The following STEAP1B variants were observed in gnomAD, a reference collection of about 807,000 sequenced individuals.
STEAP1B encodes STEAP family member 1B, also known as STEAP family protein MGC87042.
Under a neutral mutation model 27.9 loss-of-function variants are expected in STEAP1B, and 13 were observed. That is an observed-to-expected ratio of 0.47 (90% CI 0.30 to 0.74). The LOEUF (loss-of-function observed/expected upper bound fraction) is 0.74, where lower values mean the gene tolerates loss of function less well. STEAP1B is among the 30% of genes least tolerant of loss of function. The probability of loss-of-function intolerance (pLI) is 0.06; values close to 1 mark genes in which losing one functional copy is unlikely to be tolerated. For missense variants in STEAP1B, 250 were observed against 298.7 expected (o/e 0.84, Z 1.20); for synonymous variants, 86 against 107.1 (o/e 0.80, Z 1.22).
intron 4 of STEAP1B, among the ~76,000 whole-genome samples, chr7:22,473,155 T>C (rs1328852501): frequency 6.6e-6 from 1 of 152,178 alleles, no homozygotes; most frequent in Non-Finnish European, 1.5e-5. Flanking sequence ...CGCAAGTCAT[T>C]AAGCAGGCAT....
At chr7:22,449,112 C>G (rs1486455848) in intron 4 of STEAP1B, among the ~76,000 whole-genome samples, 1 of 143,150 alleles carries the variant, frequency 7.0e-6, no homozygotes, top group Non-Finnish European at 1.5e-5. Context: ...GGTACCCATC[C>G]CAAGCATTTA....
intron 4 of STEAP1B, among the ~76,000 whole-genome samples, chr7:22,467,665 T>G (rs752069020): frequency 1.6e-4 from 24 of 152,188 alleles, no homozygotes; most frequent in Middle Eastern, 3.2e-3. Context: ...TGCTTGGATC[T>G]CACTCTTCTC....
In STEAP1B at chr7:22,456,965, TA is replaced by T. The variant is rs1220226000; in HGVS notation, c.762+35599del. Among the ~76,000 whole-genome samples the T allele has an allele frequency of 7.0e-3, 382 of 54,472 alleles. 34 individuals are homozygous for T. The highest frequency in any genetic ancestry group is 0.015 in the East Asian group (19 of 1,248). The allele number at this position is 54,472 out of a possible 152,430, so 35.7% of individuals were successfully genotyped here. On this transcript the variant is annotated intron_variant, in intron 4 of 4. Coordinates refer to ENST00000678116, the MANE Select transcript of STEAP1B (RefSeq NM_001382447.1). ...TGGGATAGGCAGCTATATATATATA[TA>T]TATATATTTTTTTTTTTTTTAAGTA... is the stretch of plus-strand genomic sequence containing the variant.
intron 4 of STEAP1B, among the ~76,000 whole-genome samples, chr7:22,448,524 A>AT (rs1785440680): frequency 6.6e-6 from 1 of 152,080 alleles, no homozygotes; most frequent in Non-Finnish European, 1.5e-5. Context: ...AGTCAAATTA[A>AT]TTTTTTTAAT....
At chr7:22,457,683 T>G (rs528061799) in intron 4 of STEAP1B, among the ~76,000 whole-genome samples, 1 of 152,234 alleles carries the variant, frequency 6.6e-6, no homozygotes, top group African/African-American at 2.4e-5. Context: ...AGTCACACTT[T>G]CCATGTGACT....
rs992057558 is a variant in STEAP1B at position 22,419,634 on chromosome 7, A to T, written c.*170T>A. 5.1e-6 allele frequency: 3 copies of T among 588,496 alleles called. No homozygotes were observed. The African/African-American group carries it at 5.7e-5, about 11-fold the overall frequency. The allele number at this position is 588,496 out of a possible 1,614,324, so 36.5% of individuals were successfully genotyped here. ...TGCTCTCTCATGAGTCCGCTGGGGG[A>T]TCCACTCATCTGCCCTGCCGGATCC... On this transcript the variant is annotated 3_prime_UTR_variant, in exon 5 of 5. Transcript: ENST00000678116.
chr7:22,456,422 C>T (rs995558639), intron 4 of STEAP1B, among the ~76,000 whole-genome samples: 5 of 152,190 alleles, frequency 3.3e-5, no homozygotes, highest in African/African-American at 9.7e-5. Flanking sequence ...TTCCTTTTCA[C>T]CATTATGCTC....
intron 4 of STEAP1B, among the ~76,000 whole-genome samples, chr7:22,453,700 A>C (rs2128405308): frequency 6.6e-6 from 1 of 152,374 alleles, no homozygotes; most frequent in East Asian, 1.9e-4. Flanking sequence ...GTCCCTTCTT[A>C]GTCAATATAC....
At chr7:22,472,224 G>C (rs927112242) in intron 4 of STEAP1B, among the ~76,000 whole-genome samples, 1 of 152,298 alleles carries the variant, frequency 6.6e-6, no homozygotes, top group African/African-American at 2.4e-5. Context: ...GCTTGTGGTA[G>C]TTCATCTGTG....
Position 22,493,277 on chromosome 7 carries a change from G to A in STEAP1B, c.597+47C>T, listed in dbSNP as rs190325733. ...CAATGAGAAATGATTAATTTGTTAG[G>A]TGACTTAGACTTTTTATTAGTAACA... On this transcript the variant is annotated intron_variant, in intron 3 of 4. Transcript: ENST00000678116. 11 of 1,525,692 alleles carry A rather than the reference G, an allele frequency of 7.2e-6. No homozygotes were observed. In the Admixed American group the frequency reaches 1.5e-4, roughly 21 times the overall value. 94.5% of individuals were successfully genotyped at this position (1,525,692 alleles called of 1,614,324 possible).
intron 4 of STEAP1B, among the ~76,000 whole-genome samples, chr7:22,454,610 A>AGGG (rs888737977): frequency 1.1e-4 from 17 of 152,082 alleles, no homozygotes; most frequent in African/African-American, 3.9e-4. Context: ...GCTGCTGGAG[A>AGGG]GGCTGCACAT....
intron 2 of STEAP1B, among the ~76,000 whole-genome samples, chr7:22,494,515 T>C (rs1031710585): frequency 3.3e-5 from 5 of 151,908 alleles, no homozygotes; most frequent in African/African-American, 1.2e-4. Flanking sequence ...GCTTTCATGG[T>C]ATAAACAAAC....
intron 4 of STEAP1B, among the ~76,000 whole-genome samples, chr7:22,461,206 G>C (rs1785673092): frequency 6.6e-6 from 1 of 152,134 alleles, no homozygotes; most frequent in Non-Finnish European, 1.5e-5. Flanking sequence ...TTCCGATGAG[G>C]TTTCAAGGTG....
At chr7:22,480,945 G>A (rs909848687) in intron 4 of STEAP1B, among the ~76,000 whole-genome samples, 4 of 152,192 alleles carry the variant, frequency 2.6e-5, no homozygotes, top group African/African-American at 7.2e-5. Context: ...TGCCTTGCTT[G>A]TACAAGGGCA....
At chr7:22,496,715 A>G (rs1041370736) in intron 1 of STEAP1B, among the ~76,000 whole-genome samples, 6 of 152,186 alleles carry the variant, frequency 3.9e-5, no homozygotes, top group African/African-American at 1.2e-4. Flanking sequence ...AGTATGTAGG[A>G]GGCTGTACCA....
At chr7:22,431,008 T>C (rs79128567) in intron 4 of STEAP1B, among the ~76,000 whole-genome samples, 5,916 of 152,346 alleles carry the variant, frequency 0.039, 218 homozygotes, top group East Asian at 0.17. Flanking sequence ...TCTCATCCTA[T>C]GGTTCTCTGT....
chr7:22,429,012 T>C (rs1785144511), intron 4 of STEAP1B, among the ~76,000 whole-genome samples: 1 of 152,200 alleles, frequency 6.6e-6, no homozygotes, highest in Admixed American at 6.5e-5. Context: ...CCAAAACTTT[T>C]TTGATCTGAC....
chr7:22,471,813 G>A lies in STEAP1B; in HGVS notation c.762+20752C>T, dbSNP rs557501020. On this transcript the variant is annotated intron_variant, in intron 4 of 4. Transcript: ENST00000678116. ...AGCTACTCAGGAAGCATAGGCAGGA[G>A]AATGGCTTGAGCCTAGGAATTTGAG... Among the ~76,000 whole-genome samples the A allele has an allele frequency of 3.5e-5, 5 of 143,352 alleles. No homozygotes were observed. In the South Asian group the frequency reaches 8.9e-4, roughly 25 times the overall value. The allele number at this position is 143,352 out of a possible 152,430, so 94.0% of individuals were successfully genotyped here. A position where few individuals can be genotyped will look rare whatever the true frequency, so the allele number is the denominator to read the frequency against.
In STEAP1B at chr7:22,419,581, T is replaced by C; in HGVS notation, c.*223A>G. 2.5e-6 allele frequency: 1 copy of C among 392,196 alleles called. No homozygotes were observed. Among genetic ancestry groups the C allele is most frequent in the Non-Finnish European group, 4.6e-6 (1 of 218,142 alleles). 24.3% of individuals were successfully genotyped at this position (392,196 alleles called of 1,614,324 possible). Reference sequence around the variant, plus strand: ...TAACAACCAACACAATCTCAGTGGATTAGCACAACACATATGGACTTTTTG... The same window carrying C: ...TAACAACCAACACAATCTCAGTGGACTAGCACAACACATATGGACTTTTTG... On this transcript the variant is annotated 3_prime_UTR_variant, in exon 5 of 5. Coordinates refer to ENST00000678116, the MANE Select transcript of STEAP1B (RefSeq NM_001382447.1).
Sources: allele counts gnomAD v4.1 joint callset (sites outside exome capture counted in the v4.1 genomes callset), GRCh38; gene constraint gnomAD v4.1.1; transcripts MANE v1.5; gene names NCBI Gene and HGNC (gene_info 2026-07-23, HGNC 2026-07-21).